MYPN: variants seen among roughly 807,000 people sequenced by gnomAD.
MYPN encodes the protein sarcomeric protein myopalladin, 145 kDa (MYOP).
MYPN carries 63 observed loss-of-function variants against 129.4 expected under a neutral mutation model. The observed-to-expected ratio is 0.49, with a 90% CI of 0.40 to 0.60. The LOEUF is 0.60. MYPN is among the 20% of genes least tolerant of loss of function. The pLI is 0.00. For missense variants in MYPN, 1,596 were observed against 1,635.4 expected (o/e 0.98, Z 0.42); for synonymous variants, 629 against 600.9 (o/e 1.05, Z -0.68).
chr10:68,182,318 T>TAAC (rs1473515803), intron 12 of MYPN, among the ~76,000 whole-genome samples: 169 of 74,992 alleles, frequency 2.3e-3, no homozygotes, highest in African/African-American at 6.7e-3. Flanking sequence ...CACACATATA[T>TAAC]ATAACATATA....
At chr10:68,205,275 T>A (rs1042804592) in intron 18 of MYPN, among the ~76,000 whole-genome samples, 2 of 152,184 alleles carry the variant, frequency 1.3e-5, no homozygotes, top group African/African-American at 4.8e-5. Flanking sequence ...TCCCCAGGCA[T>A]CTTTCCCACG....
chr10:68,174,727 CT>C (rs2043200532), intron 11 of MYPN, 71 bp downstream of exon 11: 1 of 1,388,176 alleles, frequency 7.2e-7, no homozygotes. Flanking sequence ...ATAGCTTGAT[CT>C]GAAACAGGGC....
In MYPN at chr10:68,174,087, G is replaced by A. The variant is rs753544126; in HGVS notation, c.1995G>A (p.Gln665=). The change falls in exon 11 of 20, where the codon CAG becomes CAA. Residue 665 remains glutamine, a synonymous_variant. Coordinates refer to ENST00000358913, the MANE Select transcript of MYPN (RefSeq NM_032578.4). The part of the protein sequence containing the change: ...KPKLDSTQLQ[Q]LHNQVLLEQH... ...ACAGTGATTCCACTCAGTTACAACAGCTTCATAACCAAGTCTTACTGGAAC... is the reference window on the plus strand; with the variant it reads ...ACAGTGATTCCACTCAGTTACAACAACTTCATAACCAAGTCTTACTGGAAC... 18 of 1,613,744 alleles carry A rather than the reference G, an allele frequency of 1.1e-5. No homozygotes were observed. Among genetic ancestry groups the A allele is most frequent in the Non-Finnish European group, 1.3e-5 (15 of 1,179,846 alleles).
chr10:68,191,587 G>T (rs376962875), intron 13 of MYPN, among the ~76,000 whole-genome samples: 1 of 152,206 alleles, frequency 6.6e-6, no homozygotes, highest in Non-Finnish European at 1.5e-5. Context: ...TGTATATCAC[G>T]TTGAGCAGTA....
At chr10:68,180,647 G>A (rs1343260098) in intron 12 of MYPN, among the ~76,000 whole-genome samples, 1 of 152,210 alleles carries the variant, frequency 6.6e-6, no homozygotes, top group East Asian at 1.9e-4. Context: ...TAGCTGGCTT[G>A]ATCCTGTTTG....
In MYPN at chr10:68,145,094, G is replaced by A. The variant is rs566497736; in HGVS notation, c.1079-381G>A. On this transcript the variant is annotated intron_variant, in intron 3 of 19. Coordinates refer to ENST00000358913, the MANE Select transcript of MYPN (RefSeq NM_032578.4). ...GGCTGGAGTGCAATGGCGTGATCTCGGCTCACAGCAACCTCCGCCTCCCGG... is the reference window on the plus strand; with the variant it reads ...GGCTGGAGTGCAATGGCGTGATCTCAGCTCACAGCAACCTCCGCCTCCCGG... Among the ~76,000 whole-genome samples, 10 of 150,932 alleles carry A rather than the reference G, an allele frequency of 6.6e-5. No homozygotes were observed. The South Asian group carries it at 1.0e-3, about 16-fold the overall frequency.
chr10:68,195,902 A>C (rs949211351), intron 15 of MYPN, among the ~76,000 whole-genome samples: 3 of 152,148 alleles, frequency 2.0e-5, no homozygotes, highest in African/African-American at 7.2e-5. Flanking sequence ...TCATGGGCTC[A>C]AGCCATCTTC....
intron 1 of MYPN, among the ~76,000 whole-genome samples, chr10:68,100,603 G>A (rs1021931105): frequency 6.6e-6 from 1 of 152,164 alleles, no homozygotes; most frequent in Admixed American, 6.6e-5. Context: ...GTAAAACAAA[G>A]GTTGGGCAAA....
intron 10 of MYPN, among the ~76,000 whole-genome samples, chr10:68,168,594 C>A (rs1477744753): frequency 6.6e-6 from 1 of 152,074 alleles, no homozygotes; most frequent in Non-Finnish European, 1.5e-5. Context: ...TAAATCAATA[C>A]AAGAAGACAA....
intron 6 of MYPN, 118 bp downstream of exon 6, chr10:68,150,229 T>C: frequency 1.1e-6 from 1 of 894,734 alleles, no homozygotes; most frequent in Non-Finnish European, 1.8e-6. Flanking sequence ...ATGTACGGTA[T>C]AGGGTTTGGG....
chr10:68,146,505 G>A (rs1290924113), intron 4 of MYPN, among the ~76,000 whole-genome samples: 2 of 152,096 alleles, frequency 1.3e-5, no homozygotes, highest in African/African-American at 2.4e-5. Context: ...TTATTTATTT[G>A]CTTTAAATCT....
intron 4 of MYPN, 43 bp downstream of exon 4, chr10:68,145,569 C>A (rs972775685): frequency 3.3e-6 from 5 of 1,492,824 alleles, no homozygotes; most frequent in South Asian, 1.1e-5. Flanking sequence ...ATCCTCAGAT[C>A]AATTAATAGC....
In MYPN at chr10:68,150,067, G is replaced by T. The variant is rs777033025; in HGVS notation, c.1273G>T (p.Gly425Ter). Reference sequence around the variant, plus strand: ...TCAGAGCCCCACCAATTACTTGCAGGGATTGGATGGAAAACCTATCATTGC... The same window carrying T: ...TCAGAGCCCCACCAATTACTTGCAGTGATTGGATGGAAAACCTATCATTGC... ...QCQSPTNYLQGLDGKPIIAAP... is the reference protein window; with the variant it reads ...QCQSPTNYLQ The change falls in exon 6 of 20, where the codon GGA becomes TGA. Residue 425 changes from glycine to a stop codon, truncating the protein, a stop_gained. Transcript: ENST00000358913. LOFTEE classifies it high-confidence loss of function. 1 of 1,613,758 alleles carries T rather than the reference G, an allele frequency of 6.2e-7. No homozygotes were observed. Among genetic ancestry groups the T allele is most frequent in the Non-Finnish European group, 8.5e-7 (1 of 1,179,830 alleles).
intron 1 of MYPN, among the ~76,000 whole-genome samples, chr10:68,118,088 T>G (rs2042184002): frequency 6.6e-6 from 1 of 152,202 alleles, no homozygotes; most frequent in East Asian, 1.9e-4. Context: ...TTTGTTGTAA[T>G]AATTTATCAT....
At chr10:68,173,654 T>C (rs1043546481) in intron 10 of MYPN, among the ~76,000 whole-genome samples, 6 of 150,802 alleles carry the variant, frequency 4.0e-5, no homozygotes, top group African/African-American at 1.5e-4. Flanking sequence ...GAAGCTGGAG[T>C]GAGGTGGCAA....
At chr10:68,163,553 C>T (rs972322645) in intron 8 of MYPN, among the ~76,000 whole-genome samples, 5 of 151,602 alleles carry the variant, frequency 3.3e-5, no homozygotes, top group Admixed American at 2.0e-4. Flanking sequence ...GGTGTGAACC[C>T]GGGAGGCAGA....
At chr10:68,144,015 A>AC (rs1423456228) in intron 3 of MYPN, among the ~76,000 whole-genome samples, 1 of 151,296 alleles carries the variant, frequency 6.6e-6, no homozygotes, top group Non-Finnish European at 1.5e-5. Context: ...TCGGCCTCCC[A>AC]AAGTGCTGGG....
intron 4 of MYPN, among the ~76,000 whole-genome samples, 171 bp from the exon 5 acceptor site, chr10:68,148,182 T>C (rs986996368): frequency 6.6e-6 from 1 of 152,186 alleles, no homozygotes; most frequent in Non-Finnish European, 1.5e-5. Flanking sequence ...TTGCATTGCC[T>C]AACAAAATGT....
In MYPN at chr10:68,161,699, C is replaced by A. The variant is rs201980720; in HGVS notation, c.1460-30C>A. The A allele has an allele frequency of 8.0e-5, 128 of 1,596,660 alleles. 1 individual carries two copies. The East Asian group carries it at 2.3e-3, about 28-fold the overall frequency. The stretch of plus-strand genomic sequence containing the variant: ...ATGTAGTTTCTCAGTAAAATAAATG[C>A]TCAGAATCTTTTACTTTCTTTTCTT... On this transcript the variant is annotated intron_variant, in intron 7 of 19. Transcript: ENST00000358913.
Sources: gnomAD v4.1 joint callset for allele counts (sites outside exome capture counted in the v4.1 genomes callset) on GRCh38, gnomAD v4.1.1 for gene constraint, MANE v1.5 for transcripts, NCBI Gene and HGNC (gene_info 2026-07-23, HGNC 2026-07-21) for gene names.